The following PPP6R3 variants were observed in gnomAD, a reference collection of about 807,000 sequenced individuals.
PPP6R3 encodes the protein serine/threonine-protein phosphatase 6 regulatory subunit 3.
In PPP6R3, 38 loss-of-function variants were observed where a neutral mutation model predicts 110.7. The observed-to-expected ratio is 0.34, with a 90% CI of 0.26 to 0.45. The LOEUF (loss-of-function observed/expected upper bound fraction) is 0.45. Among genes scored for constraint, PPP6R3 ranks in the 20% least tolerant of loss-of-function variants. The pLI is 1.00. For synonymous variants in PPP6R3, 369 were observed against 373.5 expected, an observed-to-expected ratio of 0.99 and a Z score of 0.14; for missense variants, 870 against 1,062.4, an observed-to-expected ratio of 0.82 and a Z score of 2.52.
Position 68,534,155 on chromosome 11 carries a change from C to T in PPP6R3, c.-6-3504C>T, listed in dbSNP as rs371054954. ...TGCCCCAGGAAGGGGAGAGTAGAGACGGGTGACTGTCAGCACCTCACTGGG... is the reference window on the plus strand; with the variant it reads ...TGCCCCAGGAAGGGGAGAGTAGAGATGGGTGACTGTCAGCACCTCACTGGG... On this transcript the variant is annotated intron_variant, in intron 2 of 23. Transcript: ENST00000393800. Among the ~76,000 whole-genome samples the T allele has an allele frequency of 9.9e-5, 15 of 152,228 alleles. No individual in the cohort carries two copies. The South Asian group carries it at 1.5e-3, about 15-fold the overall frequency.
intron 2 of PPP6R3, among the ~76,000 whole-genome samples, chr11:68,524,232 T>A (rs2099183547): frequency 6.6e-6 from 1 of 152,148 alleles, no homozygotes; most frequent in South Asian, 2.1e-4. Context: ...TTTGCACTTT[T>A]TACTTACTGG....
chr11:68,529,634 TTC>T (rs1227043436), intron 2 of PPP6R3, among the ~76,000 whole-genome samples: 1 of 152,224 alleles, frequency 6.6e-6, no homozygotes, highest in East Asian at 1.9e-4. Flanking sequence ...TTTGAAAACT[TTC>T]TTGTTATTGC....
chr11:68,566,864 A>G lies in PPP6R3; in HGVS notation c.976-150A>G, dbSNP rs981331261. ...TGCTTGGTTATTTCATTGTATCTTAAAGATATCAAGAGCAGCTTTAGATGT... is the reference window on the plus strand; with the variant it reads ...TGCTTGGTTATTTCATTGTATCTTAGAGATATCAAGAGCAGCTTTAGATGT... On this transcript the variant is annotated intron_variant, in intron 9 of 23. Transcript: ENST00000393800. 1.1e-5 allele frequency: 6 copies of G among 560,382 alleles called. No homozygotes were observed. In the African/African-American group the frequency reaches 1.2e-4, roughly 11 times the overall value. 34.7% of individuals were successfully genotyped at this position (560,382 alleles called of 1,614,324 possible).
intron 1 of PPP6R3, among the ~76,000 whole-genome samples, chr11:68,471,070 C>T (rs2098787790): frequency 6.6e-6 from 1 of 151,608 alleles, no homozygotes; most frequent in Non-Finnish European, 1.5e-5. Context: ...ATCACAAGGT[C>T]AGGAGATGAG....
At chr11:68,486,911 T>TG (rs1196466516) in intron 1 of PPP6R3, among the ~76,000 whole-genome samples, 2 of 152,190 alleles carry the variant, frequency 1.3e-5, no homozygotes, top group Non-Finnish European at 1.5e-5. Flanking sequence ...CTAATGCCCA[T>TG]GGTATCTGTA....
At chr11:68,603,867 T>C (rs559227536) in intron 22 of PPP6R3, among the ~76,000 whole-genome samples, 1 of 152,304 alleles carries the variant, frequency 6.6e-6, no homozygotes, top group Non-Finnish European at 1.5e-5. Context: ...TTCAGTAACA[T>C]ACAGATGATT....
At position 68,519,579 on chromosome 11, in the gene PPP6R3, A is replaced by G; in HGVS notation, c.-79A>G. ...AGTAAATTGGAGGAAAACTGTTACC[A>G]GGATAACCTGTAATGGGCAAGGAGC... On this transcript the variant is annotated 5_prime_UTR_variant, in exon 2 of 24. Transcript: ENST00000393800. The G allele has an allele frequency of 5.0e-6, 2 of 398,580 alleles. No homozygotes were observed. Among genetic ancestry groups the G allele is most frequent in the Non-Finnish European group, 8.8e-6 (2 of 226,050 alleles). 24.7% of individuals were successfully genotyped at this position (398,580 alleles called of 1,614,324 possible).
chr11:68,489,379 G>A (rs2186937), intron 1 of PPP6R3, among the ~76,000 whole-genome samples: 19,769 of 151,746 alleles, frequency 0.13, 1,406 homozygotes, highest in Admixed American at 0.16. Flanking sequence ...TTCTTTCTTA[G>A]CATATTTGTT....
At chr11:68,599,671 G>A (rs2099624674) in intron 19 of PPP6R3, among the ~76,000 whole-genome samples, 1 of 152,180 alleles carries the variant, frequency 6.6e-6, no homozygotes, top group Admixed American at 6.5e-5. Flanking sequence ...TAGAAACATT[G>A]CCAAGATAGT....
chr11:68,544,158 A>G (rs1244445837), intron 3 of PPP6R3, among the ~76,000 whole-genome samples: 3 of 152,162 alleles, frequency 2.0e-5, no homozygotes, highest in East Asian at 3.9e-4. Context: ...TGCAACAGTC[A>G]TAGCTCTTTG....
chr11:68,487,212 T>G (rs1199075426), intron 1 of PPP6R3, among the ~76,000 whole-genome samples: 1 of 152,196 alleles, frequency 6.6e-6, no homozygotes, highest in Non-Finnish European at 1.5e-5. Flanking sequence ...TGCTATAAAT[T>G]TCCTTCTAGA....
intron 13 of PPP6R3, among the ~76,000 whole-genome samples, chr11:68,575,255 G>C (rs1251767587): frequency 6.6e-6 from 1 of 152,212 alleles, no homozygotes; most frequent in Admixed American, 6.5e-5. Context: ...ATGCATGGCT[G>C]TTTTAAACCA....
At chr11:68,502,571 G>A (rs2099054161) in intron 1 of PPP6R3, among the ~76,000 whole-genome samples, 2 of 152,172 alleles carry the variant, frequency 1.3e-5, no homozygotes, top group African/African-American at 4.8e-5. Context: ...ATGGATGAAT[G>A]CACACTCCAG....
In PPP6R3 at chr11:68,554,203, T is replaced by C; in HGVS notation, c.677T>C (p.Met226Thr). 2 of 1,614,018 alleles carry C rather than the reference T, an allele frequency of 1.2e-6. No individual in the cohort carries two copies. The highest frequency in any genetic ancestry group is 1.7e-6 in the Non-Finnish European group (2 of 1,179,938). Residue 226 changes from methionine (M) to threonine (T), a missense_variant, in exon 7 of 24, where the codon ATG (methionine) becomes ACG (threonine). Met to Thr is a moderately conservative substitution (Grantham distance 81). Coordinates refer to ENST00000393800, the MANE Select transcript of PPP6R3 (RefSeq NM_001164161.2). ...CEIVRLSRDQ[M>T]LQIQNSTEPD... is the part of the protein sequence containing the mutation. Reference sequence around the variant, plus strand: ...ATTGTTCGCCTGAGCAGAGACCAGATGTTACAAATTCAGAACAGTACAGAG... The same window carrying C: ...ATTGTTCGCCTGAGCAGAGACCAGACGTTACAAATTCAGAACAGTACAGAG...
chr11:68,579,074 G>C (rs546101392), intron 14 of PPP6R3, among the ~76,000 whole-genome samples: 1 of 152,240 alleles, frequency 6.6e-6, no homozygotes, highest in Non-Finnish European at 1.5e-5. Context: ...TGACAAGACA[G>C]TGTGTAGAAG....
chr11:68,585,958 C>A lies in PPP6R3; in HGVS notation c.1633-1969C>A, dbSNP rs1321874732. ...ACCCAGGAGAATCACATTAGGATCACTAGAGGTATAACAGTTTTGAGAGAG... is the reference window on the plus strand; with the variant it reads ...ACCCAGGAGAATCACATTAGGATCAATAGAGGTATAACAGTTTTGAGAGAG... On this transcript the variant is annotated intron_variant, in intron 15 of 23. Coordinates refer to ENST00000393800, the MANE Select transcript of PPP6R3 (RefSeq NM_001164161.2). 2.6e-5 allele frequency among the ~76,000 whole-genome samples: 4 copies of A among 152,078 alleles called. No individual in the cohort carries two copies. In the East Asian group the frequency reaches 7.7e-4, roughly 29 times the overall value.
chr11:68,558,449 C>T lies in PPP6R3; in HGVS notation c.732-117C>T, dbSNP rs527333826. 28 of 614,754 alleles carry T rather than the reference C, an allele frequency of 4.6e-5. No homozygotes were observed. In the African/African-American group the frequency reaches 4.8e-4, roughly 10 times the overall value. The allele number at this position is 614,754 out of a possible 1,614,324, so 38.1% of individuals were successfully genotyped here. On this transcript the variant is annotated intron_variant, in intron 7 of 23. Coordinates refer to ENST00000393800, the MANE Select transcript of PPP6R3 (RefSeq NM_001164161.2). ...AGTATATAGAAATAAAATAGTAAAA[C>T]AAATATGCCCAAGTATGAACTCTTC... is the stretch of plus-strand genomic sequence containing the variant.
At chr11:68,535,831 G>A (rs929168206) in intron 2 of PPP6R3, among the ~76,000 whole-genome samples, 10 of 151,334 alleles carry the variant, frequency 6.6e-5, no homozygotes, top group Admixed American at 3.3e-4. Flanking sequence ...AATCAGCCGG[G>A]TGTGATGGCA....
intron 6 of PPP6R3, among the ~76,000 whole-genome samples, chr11:68,551,677 C>A (rs372251412): frequency 1.3e-5 from 2 of 152,004 alleles, no homozygotes; most frequent in African/African-American, 4.8e-5. Flanking sequence ...TAGTAGAGAC[C>A]GGGGTTTCAC....
Sources: gnomAD v4.1 joint callset for allele counts (sites outside exome capture counted in the v4.1 genomes callset) on GRCh38, gnomAD v4.1.1 for gene constraint, MANE v1.5 for transcripts, NCBI Gene and HGNC (gene_info 2026-07-23, HGNC 2026-07-21) for gene names.